WDR27: variants seen among roughly 807,000 people sequenced by gnomAD.
WDR27 encodes the protein WD repeat domain 27.
In WDR27, 100 loss-of-function variants were observed where a neutral mutation model predicts 114.4. The ratio of observed to expected loss-of-function variants is 0.87; its 90% CI spans 0.74 to 1.03. The LOEUF is 1.03. Among genes scored for constraint, WDR27 ranks in the 50% least tolerant of loss-of-function variants. The pLI is 0.00. For synonymous variants in WDR27, 449 were observed against 423.1 expected (o/e 1.06, Z -0.75); for missense variants, 1,129 against 1,092.9 (o/e 1.03, Z -0.47).
At position 169,659,049 on chromosome 6, in the gene WDR27, AACAC is replaced by A. The variant is rs747111175; in HGVS notation, c.1319+33_1319+36del. The A allele has an allele frequency of 2.0e-6, 3 of 1,484,078 alleles. No individual in the cohort carries two copies. Among genetic ancestry groups the A allele is most frequent in the Admixed American group, 2.6e-5 (1 of 39,192 alleles). The allele number at this position is 1,484,078 out of a possible 1,614,324, so 91.9% of individuals were successfully genotyped here. ...GAAATCCAGATGGCACTTATTGGTGAACACACACACACACTCCACACTTGAAGAC... is the reference window on the plus strand; with the variant it reads ...GAAATCCAGATGGCACTTATTGGTGAACACACACACTCCACACTTGAAGAC... On this transcript the variant is annotated intron_variant, in intron 12 of 25. Transcript: ENST00000448612. This position sits in a 1 kb window ranked among gnomAD's most constrained non-coding sequence, Gnocchi z 4.3.
intron 1 of WDR27, among the ~76,000 whole-genome samples, chr6:169,693,403 C>T (rs1785002019): frequency 6.6e-6 from 1 of 152,182 alleles, no homozygotes; most frequent in Admixed American, 6.6e-5. Context: ...GTAAATCTCA[C>T]AGGCCCTTAA....
chr6:169,473,663 GA>G lies in WDR27; in HGVS notation c.2646-16030del, dbSNP rs201430904. 1.5e-3 allele frequency among the ~76,000 whole-genome samples: 226 copies of G among 146,372 alleles called. No individual in the cohort carries two copies. In the Middle Eastern group the frequency reaches 0.021, roughly 14 times the overall value. On this transcript the variant is annotated intron_variant, in intron 25 of 25. Transcript: ENST00000448612. The stretch of plus-strand genomic sequence containing the variant: ...TATTAGAATGTCTAAAGGAGCTAAA[GA>G]AAAAAAAAACAGATTTGGGGGTTTG...
intron 21 of WDR27, among the ~76,000 whole-genome samples, chr6:169,614,698 A>AG (rs947128425): frequency 2.0e-5 from 3 of 151,926 alleles, no homozygotes; most frequent in African/African-American, 7.2e-5. Flanking sequence ...AAAAAAAAAA[A>AG]AGAAAAGAAA....
At chr6:169,561,477 A>T (rs1331489451) in intron 25 of WDR27, among the ~76,000 whole-genome samples, 1 of 152,234 alleles carries the variant, frequency 6.6e-6, no homozygotes, top group African/African-American at 2.4e-5. Context: ...TTGTGAGATG[A>T]AGTGGTTTCA....
At chr6:169,592,765 A>G (rs1249660224) in intron 23 of WDR27, among the ~76,000 whole-genome samples, 2 of 152,220 alleles carry the variant, frequency 1.3e-5, no homozygotes, top group Non-Finnish European at 2.9e-5. Context: ...CAACCACAGA[A>G]TGCCTCTAAA....
the WDR27 span, among the ~76,000 whole-genome samples, chr6:169,439,522 A>G: frequency 1.3e-5 from 2 of 152,168 alleles, no homozygotes; most frequent in South Asian, 4.1e-4. Flanking sequence ...AAAATTTCTA[A>G]AATGCTAACA....
At chr6:169,644,488 G>A (rs1820005286) in intron 16 of WDR27, among the ~76,000 whole-genome samples, 1 of 151,702 alleles carries the variant, frequency 6.6e-6, no homozygotes, top group South Asian at 2.1e-4. Context: ...TAGTTCACAG[G>A]AGTCACACTG....
At chr6:169,477,557 G>T (rs2115362799) in intron 25 of WDR27, among the ~76,000 whole-genome samples, 1 of 152,216 alleles carries the variant, frequency 6.6e-6, no homozygotes, top group South Asian at 2.1e-4. Context: ...TTGTGCCCCA[G>T]CCTCCCAAGT....
At chr6:169,634,272 C>T (rs1817130306) in intron 20 of WDR27, among the ~76,000 whole-genome samples, 156 bp downstream of exon 20, 1 of 152,134 alleles carries the variant, frequency 6.6e-6, no homozygotes, top group African/African-American at 2.4e-5. Flanking sequence ...ATTACACGTA[C>T]AATTAACACA....
chr6:169,649,378 A>G lies in WDR27; in HGVS notation c.1482-103T>C. ...AAAAAAATTATATACATAGATATAGACGTCTGCATAAATGCTTTCGGGCCC... is the reference window on the plus strand; with the variant it reads ...AAAAAAATTATATACATAGATATAGGCGTCTGCATAAATGCTTTCGGGCCC... On this transcript the variant is annotated intron_variant, in intron 14 of 25. Coordinates refer to ENST00000448612, the MANE Select transcript of WDR27 (RefSeq NM_182552.5). 7.0e-6 allele frequency: 7 copies of G among 997,926 alleles called. No individual in the cohort carries two copies. In the South Asian group the frequency reaches 7.1e-5, roughly 10 times the overall value. The allele number at this position is 997,926 out of a possible 1,614,324, so 61.8% of individuals were successfully genotyped here. A position where few individuals can be genotyped will look rare whatever the true frequency, so the allele number is the denominator to read the frequency against.
intron 25 of WDR27, among the ~76,000 whole-genome samples, chr6:169,551,848 C>T (rs1235905552): frequency 6.6e-6 from 1 of 152,094 alleles, no homozygotes; most frequent in Non-Finnish European, 1.5e-5. Flanking sequence ...GCGTCATAAC[C>T]ACGCAACTCC....
chr6:169,520,188 T>C (rs1031812400), intron 25 of WDR27, among the ~76,000 whole-genome samples: 1 of 152,080 alleles, frequency 6.6e-6, no homozygotes, highest in African/African-American at 2.4e-5. Flanking sequence ...AGGAGGTTTA[T>C]TCCATTACTC....
At chr6:169,540,278 C>T (rs372930410) in intron 25 of WDR27, among the ~76,000 whole-genome samples, 7 of 152,236 alleles carry the variant, frequency 4.6e-5, no homozygotes, top group Admixed American at 6.5e-5. Flanking sequence ...CTTATGATCA[C>T]GATGCTTAAA....
chr6:169,689,051 C>A, intron 1 of WDR27, 39 bp from the exon 2 acceptor site: 1 of 1,465,762 alleles, frequency 6.8e-7, no homozygotes, highest in Non-Finnish European at 9.2e-7. Context: ...CTATAGGTAT[C>A]ATATTTAATA....
At chr6:169,447,601 A>C in the WDR27 span, among the ~76,000 whole-genome samples, 1 of 152,128 alleles carries the variant, frequency 6.6e-6, no homozygotes, top group South Asian at 2.1e-4. Flanking sequence ...GAGTCTAGGG[A>C]TTTTCAGAAC....
the WDR27 span, among the ~76,000 whole-genome samples, chr6:169,446,125 C>A: frequency 6.6e-6 from 1 of 152,274 alleles, no homozygotes. Flanking sequence ...GGAGGGCGAG[C>A]ACTCGGCTCC....
chr6:169,555,378 G>T (rs1213221763), intron 25 of WDR27, among the ~76,000 whole-genome samples: 1 of 152,072 alleles, frequency 6.6e-6, no homozygotes, highest in African/African-American at 2.4e-5. Context: ...AGGAGGAGAG[G>T]GCTCTGGGGA....
rs1821604143 is a variant in WDR27, at chr6:169,649,221, T to G, written c.1536A>C (p.Ser512=). ...ACCGTGCGCAGCTGCTCCTGCTCCT[T>G]GAAGATCCTTTCCCCTCACTCTTGA... ...TNIKSEGKGS[S]RSRSSCAREA... Residue 512 remains serine (S), a synonymous_variant, in exon 15 of 26, where the codon TCA becomes TCC. Coordinates refer to ENST00000448612, the MANE Select transcript of WDR27 (RefSeq NM_182552.5). 2 of 1,577,186 alleles carry G rather than the reference T, an allele frequency of 1.3e-6. No homozygotes were observed. The highest frequency in any genetic ancestry group is 1.3e-5 in the African/African-American group (1 of 74,288).
At chr6:169,700,046 G>A (rs1156269525) in intron 1 of WDR27, among the ~76,000 whole-genome samples, 2 of 152,118 alleles carry the variant, frequency 1.3e-5, no homozygotes, top group African/African-American at 2.4e-5. Context: ...GTCTAGTTGG[G>A]AAATTCCTCC....
Sources: gnomAD v4.1 joint callset for allele counts (sites outside exome capture counted in the v4.1 genomes callset) on GRCh38, gnomAD v4.1.1 for gene constraint, Gnocchi (gnomAD v3.1) non-coding constraint, MANE v1.5 for transcripts, NCBI Gene and HGNC (gene_info 2026-07-23, HGNC 2026-07-21) for gene names.